The following RNGTT variants were observed in gnomAD, a reference collection of about 807,000 sequenced individuals.
RNGTT encodes the protein RNA guanylyltransferase and 5'-phosphatase, also known as mRNA-capping enzyme.
A neutral mutation model predicts 79.3 loss-of-function variants in RNGTT; 33 were observed. That is an observed-to-expected ratio of 0.42 (90% CI 0.32 to 0.56). The LOEUF (loss-of-function observed/expected upper bound fraction) is 0.56. Ranked by LOEUF, RNGTT falls within the 20% of genes least tolerant of loss-of-function variation. The pLI, the probability that RNGTT is intolerant of heterozygous loss-of-function variation, is 0.17. For missense variants in RNGTT, 497 were observed against 739.1 expected (o/e 0.67, Z 3.80); for synonymous variants, 222 against 235.9 (o/e 0.94, Z 0.54).
intron 12 of RNGTT, among the ~76,000 whole-genome samples, chr6:88,789,901 G>A (rs1268800550): frequency 6.6e-6 from 1 of 152,102 alleles, no homozygotes; most frequent in Non-Finnish European, 1.5e-5. Flanking sequence ...TGATTTACTT[G>A]AATTGTTGGC....
At chr6:88,635,599 T>A (rs1398819430) in intron 14 of RNGTT, among the ~76,000 whole-genome samples, 1 of 152,086 alleles carries the variant, frequency 6.6e-6, no homozygotes, top group Non-Finnish European at 1.5e-5. Flanking sequence ...ATCATTTGTA[T>A]GTATGTGATT....
intron 12 of RNGTT, among the ~76,000 whole-genome samples, chr6:88,794,293 A>C (rs1441544186): frequency 6.6e-6 from 1 of 152,220 alleles, no homozygotes; most frequent in Non-Finnish European, 1.5e-5. Flanking sequence ...TGAGAATTTA[A>C]AGAAAGCCAC....
At chr6:88,893,846 T>A (rs1056007376) in intron 6 of RNGTT, among the ~76,000 whole-genome samples, 4 of 152,164 alleles carry the variant, frequency 2.6e-5, no homozygotes, top group African/African-American at 9.6e-5. Context: ...CATACACAAA[T>A]CATCCTTGGT....
intron 15 of RNGTT, 126 bp from the exon 16 acceptor site, chr6:88,613,008 T>A: frequency 1.2e-6 from 1 of 833,894 alleles, no homozygotes; most frequent in Non-Finnish European, 1.8e-6. Flanking sequence ...TTGAGTGATG[T>A]GCTTCACATT....
At chr6:88,958,688 T>C (rs1417899653) in intron 1 of RNGTT, among the ~76,000 whole-genome samples, 1 of 152,142 alleles carries the variant, frequency 6.6e-6, no homozygotes, top group Non-Finnish European at 1.5e-5. Context: ...AGAATGGCCA[T>C]AATTAAAATA....
chr6:88,613,993 T>C (rs746534055), intron 15 of RNGTT, among the ~76,000 whole-genome samples: 1 of 152,262 alleles, frequency 6.6e-6, no homozygotes, highest in Non-Finnish European at 1.5e-5. Flanking sequence ...TCTGTTGTTG[T>C]TGTTGTTCAA....
intron 4 of RNGTT, among the ~76,000 whole-genome samples, chr6:88,924,855 C>G (rs1259456011): frequency 2.0e-5 from 3 of 151,880 alleles, no homozygotes; most frequent in Non-Finnish European, 4.4e-5. Context: ...TCTTAAGTAG[C>G]TGGGACTACA....
chr6:88,634,460 C>A (rs571025589), intron 14 of RNGTT, among the ~76,000 whole-genome samples: 2 of 152,024 alleles, frequency 1.3e-5, no homozygotes, highest in African/African-American at 4.8e-5. Flanking sequence ...ATATGACTTG[C>A]CAAATTAGTT....
chr6:88,890,140 G>A (rs1183106468), intron 8 of RNGTT, among the ~76,000 whole-genome samples: 4 of 152,008 alleles, frequency 2.6e-5, no homozygotes, highest in African/African-American at 9.7e-5. Context: ...TTACAAACTG[G>A]CAATTTATCT....
chr6:88,710,524 A>G (rs1776282835), intron 13 of RNGTT, among the ~76,000 whole-genome samples: 1 of 152,188 alleles, frequency 6.6e-6, no homozygotes, highest in Admixed American at 6.5e-5. Flanking sequence ...TCCAAGCATG[A>G]TATTTAAAAC....
chr6:88,816,074 G>A (rs937612330), intron 11 of RNGTT, among the ~76,000 whole-genome samples: 1 of 152,018 alleles, frequency 6.6e-6, no homozygotes, highest in Admixed American at 6.6e-5. Context: ...GAACAAAATA[G>A]CAAAATATGT....
intron 1 of RNGTT, among the ~76,000 whole-genome samples, chr6:88,955,147 A>C (rs1431779061): frequency 6.6e-6 from 1 of 152,232 alleles, no homozygotes; most frequent in Non-Finnish European, 1.5e-5. Flanking sequence ...CAACAATGAA[A>C]TAAAGATGGA....
At chr6:88,791,140 C>CTTTTT (rs66559856) in intron 12 of RNGTT, among the ~76,000 whole-genome samples, 31 of 120,802 alleles carry the variant, frequency 2.6e-4, no homozygotes, top group African/African-American at 9.0e-4. Flanking sequence ...TCACAAGTAC[C>CTTTTT]TTTTTTTTTT....
intron 1 of RNGTT, among the ~76,000 whole-genome samples, chr6:88,959,804 A>T (rs539049597): frequency 2.6e-5 from 4 of 152,334 alleles, no homozygotes; most frequent in African/African-American, 7.2e-5. Context: ...TATAAATATT[A>T]GGATACCTTA....
intron 8 of RNGTT, among the ~76,000 whole-genome samples, chr6:88,872,079 A>G (rs1299453190): frequency 6.6e-6 from 1 of 152,202 alleles, no homozygotes; most frequent in East Asian, 1.9e-4. Context: ...AACTTTAGGC[A>G]TAGTCCCATT....
At chr6:88,930,133 C>T (rs1562046360) in intron 2 of RNGTT, among the ~76,000 whole-genome samples, 2 of 140,474 alleles carry the variant, frequency 1.4e-5, no homozygotes, top group African/African-American at 5.7e-5. Flanking sequence ...TACACGTATA[C>T]ATACATATAC....
Position 88,809,689 on chromosome 6 carries a change from A to G in RNGTT, c.1270-8057T>C, listed in dbSNP as rs117903330. On this transcript the variant is annotated intron_variant, in intron 11 of 15. Coordinates refer to ENST00000369485, the MANE Select transcript of RNGTT (RefSeq NM_003800.5). ...AATGAAAACAAAAACAGAGTAGATT[A>G]ATGTTTGAGAGATGCAGCTAAAGCA... is the stretch of plus-strand genomic sequence containing the variant. 9.6e-3 allele frequency among the ~76,000 whole-genome samples: 1,467 copies of G among 152,330 alleles called. 9 individuals carry two copies. The highest frequency in any genetic ancestry group is 0.013 in the Non-Finnish European group (912 of 68,020).
intron 11 of RNGTT, among the ~76,000 whole-genome samples, chr6:88,829,721 A>AAAAAAAAAAAAAAAAAC (rs1554221603): frequency 1.7e-5 from 2 of 115,584 alleles, no homozygotes; most frequent in African/African-American, 6.3e-5. Flanking sequence ...AAAAAAAAAA[A>AAAAAAAAAAAAAAAAAC]AAACCAGGGG....
intron 11 of RNGTT, among the ~76,000 whole-genome samples, chr6:88,844,148 G>A (rs2127900636): frequency 6.6e-6 from 1 of 151,988 alleles, no homozygotes; most frequent in South Asian, 2.1e-4. Flanking sequence ...AAGGGAAACA[G>A]CCTAGTTTCA....
Sources: allele counts gnomAD v4.1 joint callset (sites outside exome capture counted in the v4.1 genomes callset), GRCh38; gene constraint gnomAD v4.1.1; transcripts MANE v1.5; gene names NCBI Gene and HGNC (gene_info 2026-07-23, HGNC 2026-07-21).